KCNAB1: variants seen among roughly 807,000 people sequenced by gnomAD.
KCNAB1 encodes voltage-gated potassium channel subunit beta-1.
In KCNAB1, 35 loss-of-function variants were observed where a neutral mutation model predicts 64.6. That is an observed-to-expected ratio of 0.54 (90% CI 0.41 to 0.72). KCNAB1 has a LOEUF of 0.72. KCNAB1 is among the 30% of genes least tolerant of loss of function. The pLI is 0.00. For synonymous variants in KCNAB1, 177 were observed against 183.8 expected (o/e 0.96, Z 0.30); for missense variants, 401 against 512.9 (o/e 0.78, Z 2.11).
chr3:156,359,439 G>C (rs1185727123), intron 1 of KCNAB1, among the ~76,000 whole-genome samples: 1 of 152,138 alleles, frequency 6.6e-6, no homozygotes, highest in Non-Finnish European at 1.5e-5. Context: ...ATTGCCACTG[G>C]TTTTGAAAGG....
At chr3:156,474,088 T>G (rs1253354839) in intron 7 of KCNAB1, among the ~76,000 whole-genome samples, 1 of 152,172 alleles carries the variant, frequency 6.6e-6, no homozygotes, top group African/African-American at 2.4e-5. Context: ...TTTATAGCAT[T>G]AGCGTCCAGT....
chr3:156,418,492 C>A (rs575052337), intron 1 of KCNAB1, among the ~76,000 whole-genome samples: 1 of 152,204 alleles, frequency 6.6e-6, no homozygotes, highest in Admixed American at 6.5e-5. Context: ...CTTAGAGTAA[C>A]TGGACAATAG....
chr3:156,300,543 T>C (rs1326953366), intron 1 of KCNAB1, among the ~76,000 whole-genome samples: 1 of 152,230 alleles, frequency 6.6e-6, no homozygotes, highest in African/African-American at 2.4e-5. Context: ...CAGTATAGAA[T>C]AGCAAGATTG....
intron 6 of KCNAB1, 134 bp from the exon 7 acceptor site, chr3:156,465,509 C>G: frequency 1.4e-6 from 1 of 699,804 alleles, no homozygotes; most frequent in Middle Eastern, 2.6e-4. Context: ...CACCAGACTT[C>G]TCTCCTTAGC....
At chr3:156,425,847 C>G (rs534200365) in intron 2 of KCNAB1, among the ~76,000 whole-genome samples, 1 of 152,054 alleles carries the variant, frequency 6.6e-6, no homozygotes, top group South Asian at 2.1e-4. Context: ...AAGAAGGTCT[C>G]CTGGGGGATT....
intron 11 of KCNAB1, among the ~76,000 whole-genome samples, chr3:156,516,565 T>A (rs973714715): frequency 2.0e-5 from 3 of 152,256 alleles, no homozygotes; most frequent in African/African-American, 7.2e-5. Flanking sequence ...ATAATCTGAC[T>A]GCGTTGAATA....
chr3:156,229,526 A>G (rs1292387151), intron 1 of KCNAB1, among the ~76,000 whole-genome samples: 3 of 152,180 alleles, frequency 2.0e-5, no homozygotes, highest in African/African-American at 7.2e-5. Context: ...ATGGAACACA[A>G]TTATGTTGGA....
intron 8 of KCNAB1, among the ~76,000 whole-genome samples, chr3:156,512,978 C>T (rs958884632): frequency 3.3e-5 from 5 of 152,156 alleles, no homozygotes; most frequent in African/African-American, 7.2e-5. Context: ...TTTGGGAGGC[C>T]GAGGTGGGAG....
intron 1 of KCNAB1, among the ~76,000 whole-genome samples, chr3:156,252,455 G>C (rs115357495): frequency 6.6e-6 from 1 of 152,250 alleles, no homozygotes; most frequent in Non-Finnish European, 1.5e-5. Context: ...ACAGGAGAAA[G>C]GCACAGCTAA....
chr3:156,341,542 C>T (rs953335987), intron 1 of KCNAB1, among the ~76,000 whole-genome samples: 2 of 152,158 alleles, frequency 1.3e-5, no homozygotes, highest in Non-Finnish European at 2.9e-5. Context: ...AATTGGCCTC[C>T]GAGCTGTGTT....
At chr3:156,305,408 C>A (rs1429151576) in intron 1 of KCNAB1, among the ~76,000 whole-genome samples, 7 of 152,122 alleles carry the variant, frequency 4.6e-5, no homozygotes, top group Admixed American at 6.5e-5. Context: ...CATGAGTGAT[C>A]CAGTTTTCAT....
intron 2 of KCNAB1, among the ~76,000 whole-genome samples, chr3:156,424,801 G>A (rs1477243095): frequency 6.6e-6 from 1 of 152,056 alleles, no homozygotes; most frequent in Admixed American, 6.5e-5. Flanking sequence ...TGAGGTGCAG[G>A]CATTTTAGTG....
At chr3:156,246,206 A>G (rs990547422) in intron 1 of KCNAB1, among the ~76,000 whole-genome samples, 1 of 152,218 alleles carries the variant, frequency 6.6e-6, no homozygotes, top group Non-Finnish European at 1.5e-5. Context: ...ATTTGCATCA[A>G]ATTTAATGCA....
chr3:156,149,120 T>C (rs985117005), intron 1 of KCNAB1, among the ~76,000 whole-genome samples: 2 of 152,132 alleles, frequency 1.3e-5, no homozygotes, highest in Non-Finnish European at 2.9e-5. Context: ...TCTCTCCCAT[T>C]AGCTTGCCCC....
chr3:156,255,160 C>T (rs1474478373), intron 1 of KCNAB1, among the ~76,000 whole-genome samples: 1 of 152,130 alleles, frequency 6.6e-6, no homozygotes, highest in Admixed American at 6.5e-5. Context: ...CTACTTTGTT[C>T]CAACAAACCG....
intron 2 of KCNAB1, among the ~76,000 whole-genome samples, chr3:156,440,082 T>C (rs555790681): frequency 6.6e-6 from 1 of 152,374 alleles, no homozygotes; most frequent in South Asian, 2.1e-4. Flanking sequence ...GTTCTTGAAT[T>C]CAATCATTCA....
intron 2 of KCNAB1, 103 bp downstream of exon 2, chr3:156,421,762 G>A: frequency 1.0e-6 from 1 of 958,682 alleles, no homozygotes; most frequent in Non-Finnish European, 1.6e-6. Context: ...TCTCAGATGA[G>A]GAGGAGGCTT....
At chr3:156,274,543 C>CA (rs1311167979) in intron 1 of KCNAB1, among the ~76,000 whole-genome samples, 6 of 151,652 alleles carry the variant, frequency 4.0e-5, no homozygotes, top group Middle Eastern at 3.2e-3. Flanking sequence ...ATTTATTTGA[C>CA]AAAATCTTAA....
chr3:156,321,660 GT>G (rs1722669596), intron 1 of KCNAB1, among the ~76,000 whole-genome samples: 1 of 152,120 alleles, frequency 6.6e-6, no homozygotes, highest in Admixed American at 6.5e-5. Flanking sequence ...TTATAACATT[GT>G]TTTAATATCA....
Sources: allele counts gnomAD v4.1 joint callset (sites outside exome capture counted in the v4.1 genomes callset), GRCh38; gene constraint gnomAD v4.1.1; transcripts MANE v1.5; gene names NCBI Gene and HGNC (gene_info 2026-07-23, HGNC 2026-07-21).